FAM81A: variants seen among roughly 807,000 people sequenced by gnomAD.
The protein encoded by FAM81A is protein FAM81A.
FAM81A carries 19 observed loss-of-function variants against 46.7 expected under a neutral mutation model. That is an observed-to-expected ratio of 0.41 (90% CI 0.28 to 0.60). The LOEUF is 0.60. Among genes scored for constraint, FAM81A ranks in the 20% least tolerant of loss-of-function variants. The probability of loss-of-function intolerance (pLI) is 0.34; values close to 1 mark genes in which losing one functional copy is unlikely to be tolerated. For synonymous variants in FAM81A, 183 were observed against 152.9 expected, an observed-to-expected ratio of 1.20 and a Z score of -1.45; for missense variants, 377 against 453.5, an observed-to-expected ratio of 0.83 and a Z score of 1.53.
Position 59,516,833 on chromosome 15 carries a change from T to C in FAM81A, c.975T>C (p.Val325=), listed in dbSNP as rs766734649. The C allele has an allele frequency of 6.3e-7, 1 of 1,598,368 alleles. No individual in the cohort carries two copies. Among genetic ancestry groups the C allele is most frequent in the Non-Finnish European group, 8.5e-7 (1 of 1,174,576 alleles). The change falls in exon 8 of 9, where the codon GTT becomes GTC. Residue 325 remains valine, a synonymous_variant. Transcript: ENST00000288228. ...NQNIKEMKAE[V]NAGFTAVYES... The stretch of plus-strand genomic sequence containing the variant: ...ACATCAAGGAAATGAAAGCAGAAGT[T>C]AATGCTGGTAGGCCAAAACCAGAAC...
Position 59,418,979 on chromosome 15 carries a change from G to GA in FAM81A, c.-78+16629dup, listed in dbSNP as rs1226413737. ...TTGATTTCTGAACAGACTGGCTGTA[G>GA]AAAAAAAATGTCTTAGGCAGAAGAC... On this transcript the variant is annotated intron_variant, in intron 2 of 4. Transcript: ENST00000558348. Among the ~76,000 whole-genome samples the GA allele has an allele frequency of 9.9e-5, 15 of 152,088 alleles. No individual in the cohort carries two copies. The East Asian group carries it at 2.9e-3, about 29-fold the overall frequency.
At chr15:59,473,776 C>T (rs2081729369) in intron 3 of FAM81A, among the ~76,000 whole-genome samples, 1 of 152,158 alleles carries the variant, frequency 6.6e-6, no homozygotes, top group Non-Finnish European at 1.5e-5. Context: ...CTGCAACTGT[C>T]GGATCCAGGG....
Position 59,460,040 on chromosome 15 carries a change from C to A in FAM81A, c.128C>A (p.Thr43Asn), listed in dbSNP as rs1197050140. The A allele has an allele frequency of 2.5e-6, 4 of 1,613,916 alleles. No homozygotes were observed. The highest frequency in any genetic ancestry group is 3.4e-6 in the Non-Finnish European group (4 of 1,179,874). ...LEDRILCHEK[T>N]TAALVEHAFR... is the part of the protein sequence containing the mutation. Reference sequence around the variant, plus strand: ...GACAGGATCCTCTGCCATGAGAAAACCACCGCCGCCCTCGTAGAGCACGCC... The same window carrying A: ...GACAGGATCCTCTGCCATGAGAAAAACACCGCCGCCCTCGTAGAGCACGCC... Residue 43 changes from threonine (T) to asparagine (N), a missense_variant, in exon 3 of 9, where the codon ACC becomes AAC. Coordinates refer to ENST00000288228, the MANE Select transcript of FAM81A (RefSeq NM_152450.3). This position sits in a 1 kb window ranked among gnomAD's most constrained non-coding sequence, Gnocchi z 4.4.
intron 1 of FAM81A, chr15:59,401,332 A>G: frequency 1.3e-6 from 1 of 795,946 alleles, no homozygotes; most frequent in Non-Finnish European, 2.3e-6. Context: ...ATTTGCTCAC[A>G]TTTACCTCCA....
chr15:59,408,431 A>G (rs1196007434), intron 2 of FAM81A, among the ~76,000 whole-genome samples: 2 of 152,260 alleles, frequency 1.3e-5, no homozygotes, highest in African/African-American at 2.4e-5. Context: ...GCAATGGCTC[A>G]TGCCTATAAT....
intron 2 of FAM81A, among the ~76,000 whole-genome samples, chr15:59,412,007 A>C (rs1288962259): frequency 1.3e-5 from 2 of 151,152 alleles, no homozygotes; most frequent in Non-Finnish European, 2.9e-5. Flanking sequence ...AAAAAAAAAA[A>C]CGGGGGATGA....
intron 1 of FAM81A, chr15:59,439,168 G>GT (rs2081270345): frequency 2.0e-5 from 3 of 151,786 alleles, no homozygotes. Flanking sequence ...CAAAGTCTGC[G>GT]TACGGCAGTG....
At chr15:59,427,571 A>G (rs1450293320) in intron 2 of FAM81A, among the ~76,000 whole-genome samples, 3 of 152,092 alleles carry the variant, frequency 2.0e-5, no homozygotes, top group Non-Finnish European at 4.4e-5. Context: ...CCTTCCTAGC[A>G]TCTGGTAACT....
chr15:59,402,955 G>A (rs1199452784), intron 2 of FAM81A, among the ~76,000 whole-genome samples: 1 of 152,132 alleles, frequency 6.6e-6, no homozygotes, highest in East Asian at 1.9e-4. Flanking sequence ...TATTATGATT[G>A]TTGTTACTAC....
intron 4 of FAM81A, among the ~76,000 whole-genome samples, chr15:59,494,910 A>G (rs1183344247): frequency 1.3e-5 from 2 of 152,150 alleles, no homozygotes; most frequent in Admixed American, 1.3e-4. Flanking sequence ...GGCAAAGGCA[A>G]GTTCTCCATA....
chr15:59,510,712 A>AGGCTGTAGT (rs1454591255), intron 6 of FAM81A, among the ~76,000 whole-genome samples: 1 of 127,562 alleles, frequency 7.8e-6, no homozygotes, highest in Non-Finnish European at 1.6e-5. Context: ...CAGGAGGTTG[A>AGGCTGTAGT]GGCTGTAGTG....
intron 1 of FAM81A, among the ~76,000 whole-genome samples, chr15:59,400,446 G>A (rs1187199589): frequency 1.3e-5 from 2 of 152,046 alleles, no homozygotes; most frequent in African/African-American, 4.8e-5. Flanking sequence ...TGGTTGCCCC[G>A]CACCGGCTCA....
chr15:59,449,520 G>A (rs1035281827), intron 1 of FAM81A, among the ~76,000 whole-genome samples: 9 of 152,180 alleles, frequency 5.9e-5, no homozygotes, highest in Admixed American at 2.0e-4. Flanking sequence ...GGTGGCTCAC[G>A]CCTGTAATCC....
At chr15:59,510,593 A>G (rs950936323) in intron 6 of FAM81A, among the ~76,000 whole-genome samples, 1 of 151,754 alleles carries the variant, frequency 6.6e-6, no homozygotes, top group Non-Finnish European at 1.5e-5. Context: ...AGCCAGTGGA[A>G]AAATAAAGAT....
intron 2 of FAM81A, among the ~76,000 whole-genome samples, chr15:59,431,536 TTTTTTTTTTTTTTGAGACAG>T (rs1463397932): frequency 6.6e-6 from 1 of 151,390 alleles, no homozygotes; most frequent in African/African-American, 2.4e-5. Context: ...ACCAGCCTTT[TTTTTTTTTTTTTTGAGACAG>T]AGTCTTACTA....
At chr15:59,437,890 A>C (rs2141573684), upstream of FAM81A, among the ~76,000 whole-genome samples, 1 of 152,100 alleles carries the variant, frequency 6.6e-6, no homozygotes, top group African/African-American at 2.4e-5. Context: ...CCGCCCGCCA[A>C]CTCCAAGGCG....
chr15:59,435,346 G>A (rs1373578273), upstream of FAM81A, among the ~76,000 whole-genome samples: 1 of 152,086 alleles, frequency 6.6e-6, no homozygotes, highest in Non-Finnish European at 1.5e-5. Context: ...TGGACTGGGT[G>A]CAGTGGTTCA....
intron 1 of FAM81A, among the ~76,000 whole-genome samples, chr15:59,449,255 T>A (rs2081387016): frequency 1.3e-5 from 2 of 152,198 alleles, no homozygotes; most frequent in South Asian, 2.1e-4. Flanking sequence ...TTTACATATT[T>A]TTTTTAAGTG....
At chr15:59,448,462 G>A (rs1187884591) in intron 1 of FAM81A, among the ~76,000 whole-genome samples, 3 of 152,138 alleles carry the variant, frequency 2.0e-5, no homozygotes, top group African/African-American at 7.2e-5. Context: ...GCAAAGTGCT[G>A]GCTTCCAGGC....
Sources: gnomAD v4.1 joint callset for allele counts (sites outside exome capture counted in the v4.1 genomes callset) on GRCh38, gnomAD v4.1.1 for gene constraint, Gnocchi (gnomAD v3.1) non-coding constraint, MANE v1.5 for transcripts, NCBI Gene and HGNC (gene_info 2026-07-23, HGNC 2026-07-21) for gene names.